Variants in SMARCC2 observed in about 807,000 individuals in gnomAD.
SMARCC2 encodes the protein SWI/SNF complex subunit SMARCC2.
In SMARCC2, 15 loss-of-function variants were observed where a neutral mutation model predicts 151.3. That is an observed-to-expected ratio of 0.10 (90% CI 0.07 to 0.15). SMARCC2 has a LOEUF of 0.15. Among genes scored for constraint, SMARCC2 ranks in the 10% least tolerant of loss-of-function variants. The pLI is 1.00. For synonymous variants in SMARCC2, 590 were observed against 609.5 expected, an observed-to-expected ratio of 0.97 and a Z score of 0.47; for missense variants, 1,031 against 1,599.7, an observed-to-expected ratio of 0.64 and a Z score of 6.06.
chr12:56,174,085 C>T (rs561278405), intron 16 of SMARCC2, among the ~76,000 whole-genome samples: 153 of 152,318 alleles, frequency 1.0e-3, no homozygotes, highest in Non-Finnish European at 1.5e-3. Flanking sequence ...TATCTACCTA[C>T]CTACCGAACA....
chr12:56,174,823 A>G, intron 15 of SMARCC2, 59 bp from the exon 16 acceptor site: 1 of 1,134,758 alleles, frequency 8.8e-7, no homozygotes, highest in Non-Finnish European at 1.3e-6. Context: ...TTAAAGGGCT[A>G]AAGGAAAAAA....
intron 25 of SMARCC2, 64 bp from the exon 26 acceptor site, chr12:56,168,258 A>G: frequency 6.3e-7 from 1 of 1,586,864 alleles, no homozygotes; most frequent in Non-Finnish European, 8.6e-7. Context: ...ATACAGAAGA[A>G]AGGTAGGGTG....
In SMARCC2 at chr12:56,185,039, G is replaced by C. The variant is rs748215566; in HGVS notation, c.390C>G (p.Ser130=). 5 of 1,613,430 alleles carry C rather than the reference G, an allele frequency of 3.1e-6. No individual in the cohort carries two copies. The highest frequency in any genetic ancestry group is 3.3e-5 in the Admixed American group (2 of 59,996). Residue 130 remains serine (S), a synonymous_variant, in exon 4 of 29, where the codon TCC becomes TCG. Coordinates refer to ENST00000550164, the MANE Select transcript of SMARCC2 (RefSeq NM_001330288.2). ...NVEMFMTIEK[S]LVQNNCLSRP... ...GGTATATGCCTATTACCTGCACCAA[G>C]GACTTCTCAATGGTCATAAACATTT... is the stretch of plus-strand genomic sequence containing the variant.
In SMARCC2 at chr12:56,173,035, G is replaced by A. The variant is rs774240736; in HGVS notation, c.1651-6C>T. The A allele has an allele frequency of 2.5e-6, 4 of 1,613,828 alleles. No individual in the cohort carries two copies. Among genetic ancestry groups the A allele is most frequent in the South Asian group, 1.1e-5 (1 of 91,072 alleles). On this transcript the variant is annotated splice_polypyrimidine_tract_variant and splice_region_variant and intron_variant, in intron 17 of 28. Coordinates refer to ENST00000550164, the MANE Select transcript of SMARCC2 (RefSeq NM_001330288.2). ...TCAGCATCAACCTGGCGGCCCTGGG[G>A]GACAGAGCTTGGCGTCATGGAGGCT...
Position 56,170,257 on chromosome 12 carries a change from C to G in SMARCC2, c.2348-49G>C, listed in dbSNP as rs1316933359. 6.7e-6 allele frequency: 10 copies of G among 1,484,304 alleles called. No homozygotes were observed. In the Admixed American group the frequency reaches 1.7e-4, roughly 25 times the overall value. 91.9% of individuals were successfully genotyped at this position (1,484,304 alleles called of 1,614,324 possible). ...AAACAGGAAATGTTTAATACACAGTCGTCTGTGTCTAACACTTTTCTTTTT... is the reference window on the plus strand; with the variant it reads ...AAACAGGAAATGTTTAATACACAGTGGTCTGTGTCTAACACTTTTCTTTTT... On this transcript the variant is annotated intron_variant, in intron 22 of 28. Transcript: ENST00000550164.
rs1875564952 is a variant in SMARCC2, at chr12:56,178,901, C to G, written c.1142-54G>C. On this transcript the variant is annotated intron_variant, in intron 12 of 28. Coordinates refer to ENST00000550164, the MANE Select transcript of SMARCC2 (RefSeq NM_001330288.2). The stretch of plus-strand genomic sequence containing the variant: ...TGGAGCCTCCTGAGGGGCAAGAAAG[C>G]CCTACCAAAAGCCCATCAGGCTAGC... 6 of 1,605,640 alleles carry G rather than the reference C, an allele frequency of 3.7e-6. No individual in the cohort carries two copies. In the African/African-American group the frequency reaches 8.0e-5, roughly 21 times the overall value.
Position 56,184,764 on chromosome 12 carries a change from T to A in SMARCC2, c.492+80A>T, listed in dbSNP as rs1876902622. On this transcript the variant is annotated intron_variant, in intron 5 of 28. Coordinates refer to ENST00000550164, the MANE Select transcript of SMARCC2 (RefSeq NM_001330288.2). ...CCTCTGAAGCAGAAAACATGGTAAT[T>A]CAGGGCTGCTGCTTGGTATAGAAAA... The A allele has an allele frequency of 4.7e-6, 4 of 844,878 alleles. No homozygotes were observed. The South Asian group carries it at 5.7e-5, about 12-fold the overall frequency. 52.3% of individuals were successfully genotyped at this position (844,878 alleles called of 1,614,324 possible). A position where few individuals can be genotyped will look rare whatever the true frequency, so the allele number is the denominator to read the frequency against.
intron 15 of SMARCC2, among the ~76,000 whole-genome samples, chr12:56,177,249 C>T (rs1447314925): frequency 1.3e-5 from 2 of 152,124 alleles, no homozygotes; most frequent in African/African-American, 4.8e-5. Context: ...CAGCCTTGTT[C>T]ATTAATTTTT....
chr12:56,184,799 AAC>A, intron 5 of SMARCC2, 43 bp downstream of exon 5: 1 of 1,165,770 alleles, frequency 8.6e-7, no homozygotes, highest in Non-Finnish European at 1.3e-6. Flanking sequence ...ACACTGGGAA[AAC>A]AGTCATGGAG....
In SMARCC2 at chr12:56,171,715, G is replaced by C; in HGVS notation, c.2149C>G (p.Pro717Ala). Residue 717 changes from proline (P) to alanine (A), a missense_variant, in exon 21 of 29, where the codon CCC becomes GCC. Transcript: ENST00000550164. This position sits in a 1 kb window ranked among gnomAD's most constrained non-coding sequence, Gnocchi z 4.2. ...TTTGCAGCAGCAGAGGCGACTCGGG[G>C]ATCGACGACAGAGGCCAGGAAGGCA... ...TVAFLASVVD[P>A]RVASAAAKSA... 6.3e-7 allele frequency: 1 copy of C among 1,579,316 alleles called. No individual in the cohort carries two copies. The highest frequency in any genetic ancestry group is 1.2e-5 in the South Asian group (1 of 86,870).
Position 56,171,881 on chromosome 12 carries a change from G to A in SMARCC2, c.1983C>T (p.Arg661=), listed in dbSNP as rs917335704. ...AATGCAAGATGCACTCGTCCTGTGT[G>A]CGGCTTCCCACATGCTCGGACACTT... The part of the protein sequence containing the change: ...WNKVSEHVGS[R]TQDECILHFL... The change falls in exon 21 of 29, where the codon CGC becomes CGT. Residue 661 remains arginine (R), a synonymous_variant. Coordinates refer to ENST00000550164, the MANE Select transcript of SMARCC2 (RefSeq NM_001330288.2). The surrounding 1 kb of genome is among the most constrained non-coding windows in gnomAD (Gnocchi z 4.2). 6.2e-7 allele frequency: 1 copy of A among 1,613,982 alleles called. No individual in the cohort carries two copies. The highest frequency in any genetic ancestry group is 1.7e-5 in the Admixed American group (1 of 59,998).
At position 56,169,715 on chromosome 12, in the gene SMARCC2, G is replaced by C; in HGVS notation, c.2549-20C>G. 6.2e-7 allele frequency: 1 copy of C among 1,614,000 alleles called. No individual in the cohort carries two copies. Among genetic ancestry groups the C allele is most frequent in the Non-Finnish European group, 8.5e-7 (1 of 1,179,974 alleles). On this transcript the variant is annotated intron_variant, in intron 24 of 28. Transcript: ENST00000550164. ...GATCGACTGGGCCAGGACAAGGGTT[G>C]AGTTAGCCCCACAGCTTCACCTCTG...
intron 15 of SMARCC2, among the ~76,000 whole-genome samples, chr12:56,177,184 T>C (rs891083268): frequency 3.6e-4 from 55 of 152,172 alleles, no homozygotes; most frequent in Non-Finnish European, 5.7e-4. Flanking sequence ...GACCTTGTGA[T>C]CCGCCCGCCT....
rs1358090277 is a variant in SMARCC2 at position 56,162,844 on chromosome 12, G to T, written c.*845C>A. 1 of 154,904 alleles carries T rather than the reference G, an allele frequency of 6.5e-6. No homozygotes were observed. The highest frequency in any genetic ancestry group is 1.4e-5 in the Non-Finnish European group (1 of 69,666). The allele number at this position is 154,904 out of a possible 1,614,324, so 9.6% of individuals were successfully genotyped here. On this transcript the variant is annotated 3_prime_UTR_variant, in exon 29 of 29. Coordinates refer to ENST00000550164, the MANE Select transcript of SMARCC2 (RefSeq NM_001330288.2). The stretch of plus-strand genomic sequence containing the variant: ...ACATCCTCTTATAGCTCCCTTCTCT[G>T]TGCCTTCCAGGAGTCCATGGATACA...
chr12:56,166,165 T>C (rs1174038339), intron 26 of SMARCC2, among the ~76,000 whole-genome samples: 1 of 152,120 alleles, frequency 6.6e-6, no homozygotes, highest in Non-Finnish European at 1.5e-5. Context: ...TTTTTGAGAC[T>C]GAGTCTCACT....
chr12:56,184,054 G>A (rs1325022519), intron 6 of SMARCC2, 121 bp downstream of exon 6: 14 of 1,013,092 alleles, frequency 1.4e-5, no homozygotes, highest in African/African-American at 6.4e-5. Flanking sequence ...AGGAACTTAA[G>A]GTGGTAAGAG....
rs1042310936 is a variant in SMARCC2, at chr12:56,162,692, C to T, written c.*997G>A. 1.9e-5 allele frequency: 4 copies of T among 206,450 alleles called. No homozygotes were observed. The highest frequency in any genetic ancestry group is 3.9e-5 in the Non-Finnish European group (4 of 102,712). The allele number at this position is 206,450 out of a possible 1,614,324, so 12.8% of individuals were successfully genotyped here. ...AATCCCTGCATCCTCATCTGGGGAG[C>T]CCCCAGCTATCAGCTGAAGTTCTCA... is the stretch of plus-strand genomic sequence containing the variant. On this transcript the variant is annotated 3_prime_UTR_variant, in exon 29 of 29. Coordinates refer to ENST00000550164, the MANE Select transcript of SMARCC2 (RefSeq NM_001330288.2).
chr12:56,189,393 C>G lies in SMARCC2; in HGVS notation c.69G>C (p.Gln23His). The change falls in exon 1 of 29, where the codon CAG becomes CAC. Residue 23 changes from glutamine to histidine, a missense_variant. Gln to His is a conservative substitution (Grantham distance 24). Around this residue, in one of 12 missense-constraint regions of SMARCC2, gnomAD observed 50 missense variants for 52.4 expected, o/e 0.95. Coordinates refer to ENST00000550164, the MANE Select transcript of SMARCC2 (RefSeq NM_001330288.2). ...CGAGCCACAGCCGCACGTTGTCGAA[C>G]TGGGTCACGGTGTCCGCGGCCTCGT... ...KYYEAADTVT[Q>H]FDNVRLWLGK... is the part of the protein sequence containing the mutation. The G allele has an allele frequency of 1.9e-6, 3 of 1,543,918 alleles. No individual in the cohort carries two copies. The highest frequency in any genetic ancestry group is 2.6e-6 in the Non-Finnish European group (3 of 1,142,652).
In SMARCC2 at chr12:56,165,618, G is replaced by A. The variant is rs1213379694; in HGVS notation, c.2932C>T (p.Arg978Trp). Residue 978 changes from arginine (R) to tryptophan (W), a missense_variant, in exon 27 of 29, where the codon CGG becomes TGG. Physicochemically the swap from Arg to Trp is moderately radical, Grantham distance 101 (BLOSUM62 -3). Transcript: ENST00000550164. The part of the protein sequence containing the change: ...EQLKYAEMRA[R>W]QQHFQQMHQQ... ...TGCATCTGTTGGAAGTGCTGCTGCCGAGCCCTCATCTCCGCATACTTCAGC... is the reference window on the plus strand; with the variant it reads ...TGCATCTGTTGGAAGTGCTGCTGCCAAGCCCTCATCTCCGCATACTTCAGC... 1.2e-6 allele frequency: 2 copies of A among 1,613,672 alleles called. No homozygotes were observed. The highest frequency in any genetic ancestry group is 1.7e-5 in the Admixed American group (1 of 60,032).
Sources: gnomAD v4.1 joint callset for allele counts (sites outside exome capture counted in the v4.1 genomes callset) on GRCh38, gnomAD v4.1.1 for gene constraint, gnomAD v4.1.1 regional missense constraint, Gnocchi (gnomAD v3.1) non-coding constraint, MANE v1.5 for transcripts, NCBI Gene and HGNC (gene_info 2026-07-23, HGNC 2026-07-21) for gene names.